Variants in PARD3 observed in about 807,000 individuals in gnomAD.
PARD3 encodes par-3 family cell polarity regulator.
In PARD3, 75 loss-of-function variants were observed where a neutral mutation model predicts 155.4. That is an observed-to-expected ratio of 0.48 (90% CI 0.40 to 0.58). The LOEUF is 0.58. Among genes scored for constraint, PARD3 ranks in the 20% least tolerant of loss-of-function variants. The pLI, the probability that PARD3 is intolerant of heterozygous loss-of-function variation, is 0.00. For synonymous variants in PARD3, 576 were observed against 610.5 expected (o/e 0.94, Z 0.83); for missense variants, 1,642 against 1,721.7 (o/e 0.95, Z 0.82).
chr10:34,767,600 CTGTT>C (rs138190666), intron 1 of PARD3, among the ~76,000 whole-genome samples: 32,267 of 151,224 alleles, frequency 0.21, 4,529 homozygotes, highest in East Asian at 0.53. Flanking sequence ...GTTTCTTTGT[CTGTT>C]TGTTTGTTTT....
At chr10:34,610,177 A>T (rs1396884276) in intron 2 of PARD3, among the ~76,000 whole-genome samples, 5 of 152,210 alleles carry the variant, frequency 3.3e-5, no homozygotes, top group African/African-American at 4.8e-5. Flanking sequence ...AATATTAAAT[A>T]TATCGGCTAG....
chr10:34,337,568 G>C, intron 16 of PARD3, 142 bp from the exon 17 acceptor site: 1 of 390,054 alleles, frequency 2.6e-6, no homozygotes, highest in East Asian at 3.9e-5. Flanking sequence ...TACAAATACA[G>C]TCCATTAAAA....
intron 2 of PARD3, among the ~76,000 whole-genome samples, chr10:34,574,171 A>G (rs1482124428): frequency 6.6e-6 from 1 of 152,138 alleles, no homozygotes; most frequent in Admixed American, 6.5e-5. Context: ...ATTTTATTGT[A>G]GGATACCAAA....
At chr10:34,312,327 G>A in intron 20 of PARD3, 1 of 1,610,564 alleles carries the variant, frequency 6.2e-7, no homozygotes, top group Non-Finnish European at 8.5e-7. Context: ...TGCTGTTCAA[G>A]ACATGTTTTG....
At chr10:34,301,773 C>G (rs1196624205) in intron 20 of PARD3, among the ~76,000 whole-genome samples, 8 of 151,686 alleles carry the variant, frequency 5.3e-5, no homozygotes, top group Non-Finnish European at 1.2e-4. Flanking sequence ...CCCAGCTGAC[C>G]AGGCTAAAAC....
chr10:34,500,181 A>C (rs956825288), intron 3 of PARD3, among the ~76,000 whole-genome samples: 3 of 152,270 alleles, frequency 2.0e-5, no homozygotes, highest in African/African-American at 4.8e-5. Flanking sequence ...GACTTTATAA[A>C]ACCTTATGTG....
At chr10:34,146,541 A>G (rs963286680) in intron 22 of PARD3, among the ~76,000 whole-genome samples, 1 of 152,226 alleles carries the variant, frequency 6.6e-6, no homozygotes, top group African/African-American at 2.4e-5. Flanking sequence ...TCCCAAGCAC[A>G]TGACCTGGTG....
chr10:34,794,774 A>G (rs1179531188), intron 1 of PARD3, among the ~76,000 whole-genome samples: 1 of 152,284 alleles, frequency 6.6e-6, no homozygotes, highest in East Asian at 1.9e-4. Context: ...GTCAGCTTCA[A>G]AAGTTCAGGA....
At chr10:34,483,845 C>T (rs963215789) in intron 3 of PARD3, among the ~76,000 whole-genome samples, 1 of 152,222 alleles carries the variant, frequency 6.6e-6, no homozygotes. Flanking sequence ...TGACCACAAC[C>T]CTGTTGTTCA....
intron 5 of PARD3, among the ~76,000 whole-genome samples, chr10:34,403,656 T>C (rs1844138220): frequency 6.6e-6 from 1 of 152,206 alleles, no homozygotes; most frequent in African/African-American, 2.4e-5. Context: ...ATTTGATTGA[T>C]GATGCTGTGT....
chr10:34,213,625 G>A (rs1321651134), intron 22 of PARD3, among the ~76,000 whole-genome samples: 1 of 152,076 alleles, frequency 6.6e-6, no homozygotes, highest in Non-Finnish European at 1.5e-5. Flanking sequence ...TTCCTATTTG[G>A]TTATGTGGGA....
At chr10:34,176,119 G>A (rs974507550) in intron 22 of PARD3, among the ~76,000 whole-genome samples, 1 of 152,128 alleles carries the variant, frequency 6.6e-6, no homozygotes, top group Non-Finnish European at 1.5e-5. Context: ...ACCATAAGGT[G>A]TCAGTATAAA....
chr10:34,231,600 A>G (rs1952936911), intron 22 of PARD3, among the ~76,000 whole-genome samples: 1 of 151,800 alleles, frequency 6.6e-6, no homozygotes, highest in Admixed American at 6.6e-5. Flanking sequence ...ACAGCCACTC[A>G]TTGTTCTCTG....
rs2093475943 is a variant in PARD3, at chr10:34,666,560, A to T, written c.222+29758T>A. Reference sequence around the variant, plus strand: ...CTAACGTCCAGGAGTCCACAAAAGGATTCCTCATGTGTTGTACTTCTGCTT... The same window carrying T: ...CTAACGTCCAGGAGTCCACAAAAGGTTTCCTCATGTGTTGTACTTCTGCTT... On this transcript the variant is annotated intron_variant, in intron 2 of 24. Transcript: ENST00000374788. 2.0e-5 allele frequency among the ~76,000 whole-genome samples: 3 copies of T among 151,816 alleles called. No homozygotes were observed. The South Asian group carries it at 6.2e-4, about 32-fold the overall frequency.
chr10:34,148,987 G>A (rs1948653170), intron 22 of PARD3, among the ~76,000 whole-genome samples: 1 of 152,068 alleles, frequency 6.6e-6, no homozygotes, highest in Non-Finnish European at 1.5e-5. Context: ...CGTTGATCAT[G>A]ACACATTTTA....
intron 23 of PARD3, among the ~76,000 whole-genome samples, chr10:34,125,071 C>CTTTCTTTTTTTTTTTTTTT (rs1554790399): frequency 7.1e-6 from 1 of 140,636 alleles, no homozygotes; most frequent in African/African-American, 2.8e-5. Context: ...CTATTTCTTT[C>CTTTCTTTTTTTTTTTTTTT]TTTTTTTTTT....
intron 22 of PARD3, 40 bp from the exon 23 acceptor site, chr10:34,131,623 A>G (rs779030505): frequency 6.3e-7 from 1 of 1,597,294 alleles, no homozygotes; most frequent in East Asian, 2.2e-5. Context: ...CCCTTCAGAA[A>G]TATTATCTGT....
chr10:34,416,593 C>G (rs1044865514), intron 5 of PARD3, among the ~76,000 whole-genome samples: 4 of 152,164 alleles, frequency 2.6e-5, no homozygotes, highest in African/African-American at 9.7e-5. Context: ...GTCCCTGACT[C>G]TAGTGTTTAG....
intron 12 of PARD3, among the ~76,000 whole-genome samples, chr10:34,367,598 G>A (rs888845711): frequency 1.3e-5 from 2 of 152,106 alleles, no homozygotes; most frequent in Non-Finnish European, 2.9e-5. Flanking sequence ...CAGCTACTCG[G>A]GAGGCTAAGG....
Sources: gnomAD v4.1 joint callset for allele counts (sites outside exome capture counted in the v4.1 genomes callset) on GRCh38, gnomAD v4.1.1 for gene constraint, MANE v1.5 for transcripts, NCBI Gene and HGNC (gene_info 2026-07-23, HGNC 2026-07-21) for gene names.